Variants in RIMS2 observed in about 807,000 individuals in gnomAD.
RIMS2 encodes the protein regulating synaptic membrane exocytosis protein 2.
Under a neutral mutation model 174.4 loss-of-function variants are expected in RIMS2, and 59 were observed. The ratio of observed to expected loss-of-function variants is 0.34; its 90% CI spans 0.27 to 0.42. The LOEUF (loss-of-function observed/expected upper bound fraction) is 0.42. RIMS2 is among the 10% of genes least tolerant of loss of function. The pLI is 1.00. For synonymous variants in RIMS2, 606 were observed against 572.5 expected, an observed-to-expected ratio of 1.06 and a Z score of -0.84; for missense variants, 1,620 against 1,666.3, an observed-to-expected ratio of 0.97 and a Z score of 0.48.
chr8:103,586,686 G>A (rs556565922), intron 1 of RIMS2, among the ~76,000 whole-genome samples: 120 of 152,006 alleles, frequency 7.9e-4, no homozygotes, highest in African/African-American at 2.8e-3. Context: ...TAAAGAACTA[G>A]AAAAGCAAGA....
intron 15 of RIMS2, among the ~76,000 whole-genome samples, chr8:103,968,403 C>T (rs2092410341): frequency 6.6e-6 from 1 of 151,120 alleles, no homozygotes; most frequent in African/African-American, 2.4e-5. Context: ...TTTTTGTCTT[C>T]TATTCTTTTT....
At chr8:103,659,334 T>C (rs556098400) in intron 1 of RIMS2, among the ~76,000 whole-genome samples, 30 of 152,048 alleles carry the variant, frequency 2.0e-4, no homozygotes, top group Non-Finnish European at 7.4e-5. Context: ...TCTGCAGAAG[T>C]ATGGTACCAG....
intron 1 of RIMS2, among the ~76,000 whole-genome samples, chr8:103,585,627 CAAG>C (rs776170719): frequency 1.8e-4 from 28 of 151,894 alleles, no homozygotes; most frequent in Non-Finnish European, 2.6e-4. Flanking sequence ...CAAATTAACA[CAAG>C]AACAGAAAAC....
chr8:103,892,668 T>C (rs558817224), intron 4 of RIMS2, among the ~76,000 whole-genome samples: 1 of 152,228 alleles, frequency 6.6e-6, no homozygotes, highest in South Asian at 2.1e-4. Context: ...TAAAAAGGAC[T>C]CAATCACATT....
chr8:103,636,786 GCAC>G (rs1279709483), intron 1 of RIMS2, among the ~76,000 whole-genome samples: 30 of 27,150 alleles, frequency 1.1e-3, no homozygotes, highest in African/African-American at 2.0e-3. Flanking sequence ...ACCCACCCCC[GCAC>G]CCCCCCCCCC....
chr8:103,924,009 C>T (rs10089978), intron 10 of RIMS2, among the ~76,000 whole-genome samples: 57,779 of 151,316 alleles, frequency 0.38, 11,738 homozygotes, highest in Non-Finnish European at 0.44. Context: ...TACTTCATTG[C>T]AACCTAAATC....
At chr8:104,094,364 CT>C (rs2097716715) in intron 19 of RIMS2, 1 of 551,190 alleles carries the variant, frequency 1.8e-6, no homozygotes, top group East Asian at 2.8e-5. Flanking sequence ...ATAATTTTTA[CT>C]TATGTTTTGA....
At chr8:103,808,856 C>G (rs1329506214) in intron 3 of RIMS2, among the ~76,000 whole-genome samples, 2 of 152,148 alleles carry the variant, frequency 1.3e-5, no homozygotes, top group Admixed American at 6.6e-5. Flanking sequence ...AATGATCTCT[C>G]TGCATCCACA....
At chr8:103,864,522 A>G (rs1394767190) in intron 3 of RIMS2, among the ~76,000 whole-genome samples, 6 of 152,246 alleles carry the variant, frequency 3.9e-5, no homozygotes, top group African/African-American at 1.4e-4. Flanking sequence ...TTCTTCGACC[A>G]TGGTCTGAGA....
chr8:104,216,695 T>C lies in RIMS2; in HGVS notation c.3335-28221T>C, dbSNP rs564771463. ...TGAGTGTATGTGCTGGTAAGTAAAG[T>C]TGTTGAGGAAAAAGGCCTGGCTTAT... On this transcript the variant is annotated intron_variant, in intron 19 of 23. Coordinates refer to ENST00000504942, the Ensembl canonical transcript of RIMS2. Among the ~76,000 whole-genome samples, 4 of 152,200 alleles carry C rather than the reference T, an allele frequency of 2.6e-5. No homozygotes were observed. The East Asian group carries it at 7.7e-4, about 29-fold the overall frequency.
intron 22 of RIMS2, 40 bp from the exon 29 acceptor site, chr8:104,250,984 T>G (rs749387194): frequency 1.3e-6 from 2 of 1,582,208 alleles, no homozygotes; most frequent in African/African-American, 2.7e-5. Context: ...TTCATGTCCA[T>G]AGTTTATTGC....
intron 3 of RIMS2, among the ~76,000 whole-genome samples, chr8:103,808,967 A>G (rs1231785507): frequency 5.9e-5 from 9 of 152,254 alleles, no homozygotes; most frequent in Admixed American, 1.3e-4. Flanking sequence ...AGGACTTGAT[A>G]TATCTGTTGA....
At chr8:103,842,001 A>G (rs1026370553) in intron 3 of RIMS2, among the ~76,000 whole-genome samples, 1 of 152,176 alleles carries the variant, frequency 6.6e-6, no homozygotes, top group African/African-American at 2.4e-5. Flanking sequence ...AGATAGCTTT[A>G]TGTCTTACAC....
intron 1 of RIMS2, among the ~76,000 whole-genome samples, chr8:103,621,936 A>C (rs1293726285): frequency 1.3e-5 from 2 of 152,226 alleles, no homozygotes; most frequent in African/African-American, 4.8e-5. Context: ...TTACTGGGCT[A>C]TGAGGGTAAC....
At chr8:103,967,851 CTTTT>C (rs1183741701) in intron 15 of RIMS2, among the ~76,000 whole-genome samples, 5 of 109,552 alleles carry the variant, frequency 4.6e-5, no homozygotes, top group Non-Finnish European at 9.1e-5. Flanking sequence ...CCTACTCCTG[CTTTT>C]TTTTTTTTTT....
intron 21 of RIMS2, 78 bp downstream of exon 27, chr8:104,248,891 T>C (rs954718058): frequency 1.6e-6 from 1 of 626,514 alleles, no homozygotes; most frequent in Non-Finnish European, 2.8e-6. Context: ...TCATAGAATC[T>C]TCTCTCTCTC....
At position 103,933,235 on chromosome 8, in the gene RIMS2, G is replaced by A. The variant is rs181761950; in HGVS notation, c.2375+1842G>A. 3.2e-3 allele frequency among the ~76,000 whole-genome samples: 487 copies of A among 151,246 alleles called. 7 individuals are homozygous for A. The highest frequency in any genetic ancestry group is 0.011 in the African/African-American group (471 of 41,038). ...TTTAACCTGGGAGACAGACGTTGCA[G>A]TGAGCCGAGATCGCACCACTGCACT... On this transcript the variant is annotated intron_variant, in intron 12 of 23. Transcript: ENST00000504942.
chr8:103,697,134 G>A, exon 2 of RIMS2: 1 of 1,613,626 alleles, frequency 6.2e-7, no homozygotes, highest in South Asian at 1.1e-5. Flanking sequence ...TAAAGAAGAT[G>A]GGAGAAGAAT....
chr8:103,651,206 C>T (rs902307841), intron 1 of RIMS2, among the ~76,000 whole-genome samples: 1 of 152,242 alleles, frequency 6.6e-6, no homozygotes, highest in Non-Finnish European at 1.5e-5. Flanking sequence ...GACAGCTTCC[C>T]TTTGCTCCGT....
Sources: gnomAD v4.1 joint callset for allele counts (sites outside exome capture counted in the v4.1 genomes callset) on GRCh38, gnomAD v4.1.1 for gene constraint, MANE v1.5 for transcripts, NCBI Gene and HGNC (gene_info 2026-07-23, HGNC 2026-07-21) for gene names.